Variants in COL4A1 observed in about 807,000 individuals in gnomAD.
The protein encoded by COL4A1 is collagen type IV alpha 1 chain.
A neutral mutation model predicts 216.6 loss-of-function variants in COL4A1; 40 were observed. That is an observed-to-expected ratio of 0.18 (90% CI 0.14 to 0.24). The LOEUF is 0.24. Among genes scored for constraint, COL4A1 ranks in the 10% least tolerant of loss-of-function variants. The probability of loss-of-function intolerance (pLI) is 1.00; values close to 1 mark genes in which losing one functional copy is unlikely to be tolerated. For missense variants in COL4A1, 1,628 were observed against 2,196.8 expected, an observed-to-expected ratio of 0.74 and a Z score of 5.18; for synonymous variants, 839 against 810.7, an observed-to-expected ratio of 1.03 and a Z score of -0.59.
intron 1 of COL4A1, among the ~76,000 whole-genome samples, chr13:110,263,475 A>G (rs2139280274): frequency 6.6e-6 from 1 of 152,330 alleles, no homozygotes; most frequent in East Asian, 1.9e-4. Context: ...ATTTTGGCAT[A>G]TGGGATCTCG....
chr13:110,269,658 T>C (rs1270066629), intron 1 of COL4A1, among the ~76,000 whole-genome samples: 7 of 151,862 alleles, frequency 4.6e-5, no homozygotes, highest in Non-Finnish European at 8.8e-5. Context: ...ACAGGTGACA[T>C]CTGATGGAAG....
intron 1 of COL4A1, among the ~76,000 whole-genome samples, chr13:110,247,829 GTGTGT>G (rs2139252710): frequency 1.5e-5 from 2 of 130,800 alleles, no homozygotes; most frequent in African/African-American, 5.8e-5. Flanking sequence ...GTGTGTGTGT[GTGTGT>G]GGCAGAGAGA....
At chr13:110,273,300 T>C (rs1458337985) in intron 1 of COL4A1, among the ~76,000 whole-genome samples, 1 of 152,168 alleles carries the variant, frequency 6.6e-6, no homozygotes, top group Non-Finnish European at 1.5e-5. Context: ...GACCTAAAGG[T>C]CTATTATGGG....
intron 1 of COL4A1, among the ~76,000 whole-genome samples, chr13:110,278,537 A>C (rs1180280579): frequency 6.6e-6 from 1 of 152,140 alleles, no homozygotes; most frequent in Non-Finnish European, 1.5e-5. Context: ...CATTCTTCTA[A>C]TCATTATATA....
chr13:110,299,306 C>T (rs1014576760), intron 1 of COL4A1, among the ~76,000 whole-genome samples: 1 of 152,218 alleles, frequency 6.6e-6, no homozygotes, highest in Non-Finnish European at 1.5e-5. Context: ...CCTCCAAAAA[C>T]AGAAGCTCTG....
intron 44 of COL4A1, among the ~76,000 whole-genome samples, 181 bp from the exon 45 acceptor site, chr13:110,166,484 T>C (rs1198379520): frequency 6.6e-6 from 1 of 152,240 alleles, no homozygotes; most frequent in Non-Finnish European, 1.5e-5. Flanking sequence ...CACCTGCTTA[T>C]GCATGCATAC....
At chr13:110,280,224 C>T (rs1372544881) in intron 1 of COL4A1, among the ~76,000 whole-genome samples, 1 of 152,188 alleles carries the variant, frequency 6.6e-6, no homozygotes, top group Admixed American at 6.5e-5. Flanking sequence ...CAATGGGAAG[C>T]CACTGACGGT....
chr13:110,282,706 C>A (rs1363541379), intron 1 of COL4A1, among the ~76,000 whole-genome samples: 4 of 152,172 alleles, frequency 2.6e-5, no homozygotes, highest in Non-Finnish European at 5.9e-5. Flanking sequence ...AGTATATGTC[C>A]CTGAATGGCA....
intron 42 of COL4A1, among the ~76,000 whole-genome samples, chr13:110,170,105 G>A (rs1877551657): frequency 3.1e-5 from 2 of 65,018 alleles, no homozygotes; most frequent in East Asian, 5.0e-4. Context: ...GAGAGAGGAA[G>A]GGAGGAAAGA....
rs2275842 is a variant in COL4A1 at position 110,161,176 on chromosome 13, C to T, written c.4640+16G>A. ...CTCTTCAATTTTGCATTTGTTCCTA[C>T]AGATGCTCGACTCACCTACTAATAA... On this transcript the variant is annotated intron_variant, in intron 49 of 51. Transcript: ENST00000375820. 258,623 of 1,610,684 alleles carry T rather than the reference C, an allele frequency of 0.16. 21,833 individuals are homozygous for T. The highest frequency in any genetic ancestry group is 0.31 in the East Asian group (14,027 of 44,808).
In COL4A1 at chr13:110,195,050, C is replaced by T; in HGVS notation, c.1354G>A (p.Gly452Arg). Residue 452 changes from glycine to arginine, a missense_variant, in exon 22 of 52, where the codon GGA becomes AGA. By Grantham distance (125) the Gly-to-Arg change is moderately radical. Around this residue, in one of 8 missense-constraint regions of COL4A1, gnomAD observed 701 missense variants for 892.5 expected, o/e 0.79. Coordinates refer to ENST00000375820, the MANE Select transcript of COL4A1 (RefSeq NM_001845.6). ...QGPPGIPGQP[G>R]FIGEIGEKGQ... is the part of the protein sequence containing the mutation. Reference sequence around the variant, plus strand: ...TTCTCTCCAATTTCGCCTATAAATCCTGGCTGCCCTGGAATTCCAGGAGGA... The same window carrying T: ...TTCTCTCCAATTTCGCCTATAAATCTTGGCTGCCCTGGAATTCCAGGAGGA... The T allele has an allele frequency of 6.2e-7, 1 of 1,614,174 alleles. No homozygotes were observed. Among genetic ancestry groups the T allele is most frequent in the Non-Finnish European group, 8.5e-7 (1 of 1,180,038 alleles).
Position 110,203,845 on chromosome 13 carries a change from CTAAT to C in COL4A1, c.958-242_958-239del, listed in dbSNP as rs58390470. On this transcript the variant is annotated intron_variant, in intron 17 of 51. Transcript: ENST00000375820. ...ATCTCTGCAAAATATAAGTTGGGGG[CTAAT>C]TATTCTCCTTACAAAAGCCCAGATA... Among the ~76,000 whole-genome samples the C allele has an allele frequency of 0.02, 3,013 of 152,260 alleles. 98 individuals carry two copies. The highest frequency in any genetic ancestry group is 0.069 in the African/African-American group (2,869 of 41,532).
At chr13:110,195,218 A>T (rs950035705) in intron 21 of COL4A1, 100 bp from the exon 22 acceptor site, 1 of 961,866 alleles carries the variant, frequency 1.0e-6, no homozygotes, top group African/African-American at 1.6e-5. Context: ...AGGCTATTTG[A>T]CAAGTGTTAG....
At chr13:110,157,461 G>T (rs1044087267) in intron 49 of COL4A1, among the ~76,000 whole-genome samples, 1 of 152,214 alleles carries the variant, frequency 6.6e-6, no homozygotes, top group African/African-American at 2.4e-5. Context: ...GTCCTGAGAA[G>T]TCGTGGAAAC....
chr13:110,230,735 C>G (rs368655964), intron 2 of COL4A1, among the ~76,000 whole-genome samples: 2 of 152,224 alleles, frequency 1.3e-5, no homozygotes, highest in African/African-American at 4.8e-5. Flanking sequence ...CTGGAAGTCC[C>G]CCCGTGGTAT....
chr13:110,298,127 T>C (rs1330049247), intron 1 of COL4A1, among the ~76,000 whole-genome samples: 1 of 152,204 alleles, frequency 6.6e-6, no homozygotes, highest in East Asian at 1.9e-4. Flanking sequence ...TAAAGAAGTA[T>C]GAATTATAGA....
At chr13:110,195,720 G>T (rs1048569768) in intron 21 of COL4A1, among the ~76,000 whole-genome samples, 1 of 152,144 alleles carries the variant, frequency 6.6e-6, no homozygotes, top group African/African-American at 2.4e-5. Flanking sequence ...TATCAGTATT[G>T]TTTATTGTTT....
At chr13:110,280,766 T>C (rs544720804) in intron 1 of COL4A1, among the ~76,000 whole-genome samples, 1 of 152,212 alleles carries the variant, frequency 6.6e-6, no homozygotes, top group African/African-American at 2.4e-5. Flanking sequence ...TAGTAATACA[T>C]GAATATAAAT....
intron 15 of COL4A1, among the ~76,000 whole-genome samples, chr13:110,206,017 A>G (rs570712262): frequency 6.6e-6 from 1 of 151,856 alleles, no homozygotes; most frequent in South Asian, 2.1e-4. Flanking sequence ...AATATTGTAT[A>G]TGATGAATAA....
Sources: gnomAD v4.1 joint callset for allele counts (sites outside exome capture counted in the v4.1 genomes callset) on GRCh38, gnomAD v4.1.1 for gene constraint, gnomAD v4.1.1 regional missense constraint, MANE v1.5 for transcripts, NCBI Gene and HGNC (gene_info 2026-07-23, HGNC 2026-07-21) for gene names.